ZNF740: variants seen among roughly 807,000 people sequenced by gnomAD.
The protein encoded by ZNF740 is zinc finger protein 740.
ZNF740 carries 14 observed loss-of-function variants against 24.8 expected under a neutral mutation model. The observed-to-expected ratio is 0.56, with a 90% CI of 0.37 to 0.88. The LOEUF (loss-of-function observed/expected upper bound fraction) is 0.88, where lower values mean the gene tolerates loss of function less well. Ranked by LOEUF, ZNF740 falls within the 40% of genes least tolerant of loss-of-function variation. The probability of loss-of-function intolerance (pLI) is 0.00; values close to 1 mark genes in which losing one functional copy is unlikely to be tolerated. For missense variants in ZNF740, 201 were observed against 247.9 expected (o/e 0.81, Z 1.27); for synonymous variants, 69 against 84.0 (o/e 0.82, Z 0.98).
At position 53,185,844 on chromosome 12, in the gene ZNF740, G is replaced by A. The variant is rs1188787898; in HGVS notation, c.250-110G>A. On this transcript the variant is annotated intron_variant, in intron 4 of 6. Transcript: ENST00000416904. ...CAGGAGATGGCAGCACCTTTAGACA[G>A]CATCAGAGAGGTTCCTTTCTCCAAC... 5 of 1,421,442 alleles carry A rather than the reference G, an allele frequency of 3.5e-6. No homozygotes were observed. In the Admixed American group the frequency reaches 1.1e-4, roughly 32 times the overall value. The allele number at this position is 1,421,442 out of a possible 1,614,324, so 88.1% of individuals were successfully genotyped here.
chr12:53,186,022 C>T lies in ZNF740; in HGVS notation c.318C>T (p.Cys106=). ...CCAAAAATTTTGTTTGTGAACACTGCTTTGGAGCCTTTCGGAGCAGTTACC... is the reference window on the plus strand; with the variant it reads ...CCAAAAATTTTGTTTGTGAACACTGTTTTGGAGCCTTTCGGAGCAGTTACC... The part of the protein sequence containing the change: ...KIPKNFVCEH[C]FGAFRSSYHL... The change falls in exon 5 of 7, where the codon TGC becomes TGT. Residue 106 remains cysteine, a synonymous_variant. Transcript: ENST00000416904. The T allele has an allele frequency of 1.2e-6, 2 of 1,613,888 alleles. No homozygotes were observed. Among genetic ancestry groups the T allele is most frequent in the South Asian group, 1.1e-5 (1 of 91,058 alleles).
chr12:53,193,618 G>GT lies in ZNF740; in HGVS notation c.*6029dup. 8.5e-7 allele frequency: 1 copy of GT among 1,177,256 alleles called. No individual in the cohort carries two copies. The highest frequency in any genetic ancestry group is 2.5e-5 in the Admixed American group (1 of 39,378). The allele number at this position is 1,177,256 out of a possible 1,614,324, so 72.9% of individuals were successfully genotyped here. On this transcript the variant is annotated 3_prime_UTR_variant, in exon 7 of 7. Transcript: ENST00000416904. ...GAGTCGGGATGTCGAGGAGACTCCT[G>GT]TGGGGGGGATGGAAAGCAGCGGAGG...
chr12:53,194,161 C>A lies in ZNF740; in HGVS notation c.*6571C>A. 6.2e-7 allele frequency: 1 copy of A among 1,612,664 alleles called. No homozygotes were observed. Among genetic ancestry groups the A allele is most frequent in the South Asian group, 1.1e-5 (1 of 91,012 alleles). ...TGCTTAATTTCCCACTCCCACCTCC[C>A]CCTGCCCGCCTTCTGCCTGTGCTTG... On this transcript the variant is annotated 3_prime_UTR_variant, in exon 7 of 7. Transcript: ENST00000416904.
intron 1 of ZNF740, 95 bp from the exon 2 acceptor site, chr12:53,181,582 C>G: frequency 1.1e-6 from 1 of 886,436 alleles, no homozygotes; most frequent in Non-Finnish European, 1.4e-6. Context: ...CTGAGCTTCA[C>G]AGAGAGCGCC....
At position 53,193,219 on chromosome 12, in the gene ZNF740, G is replaced by T. The variant is rs990665538; in HGVS notation, c.*5629G>T. The T allele has an allele frequency of 2.9e-5, 47 of 1,614,040 alleles. No homozygotes were observed. The highest frequency in any genetic ancestry group is 3.8e-5 in the Non-Finnish European group (45 of 1,180,030). ...GATGCCCAGAGCTCTGTCCACTGCA[G>T]CTGCAGCGTCCACATTGACAGTGAC... On this transcript the variant is annotated 3_prime_UTR_variant, in exon 7 of 7. Coordinates refer to ENST00000416904, the MANE Select transcript of ZNF740 (RefSeq NM_001004304.4).
chr12:53,192,970 G>T lies in ZNF740; in HGVS notation c.*5380G>T. On this transcript the variant is annotated 3_prime_UTR_variant, in exon 7 of 7. Coordinates refer to ENST00000416904, the MANE Select transcript of ZNF740 (RefSeq NM_001004304.4). The stretch of plus-strand genomic sequence containing the variant: ...CTCCACACACACAGTTGGCCATCAT[G>T]TGGCACGACAAGCCCACGCATCCAA... 1 of 1,537,592 alleles carries T rather than the reference G, an allele frequency of 6.5e-7. No homozygotes were observed. Among genetic ancestry groups the T allele is most frequent in the South Asian group, 1.1e-5 (1 of 88,626 alleles).
At chr12:53,183,641 T>G (rs1941752168) in intron 2 of ZNF740, among the ~76,000 whole-genome samples, 2 of 152,058 alleles carry the variant, frequency 1.3e-5, no homozygotes, top group South Asian at 4.2e-4. Context: ...TGAAAAAAAA[T>G]GTGATCATAC....
Position 53,193,024 on chromosome 12 carries a change from C to A in ZNF740, c.*5434C>A. Reference sequence around the variant, plus strand: ...TTTTGAAGTATGCCAACCACACCCTCTAACCCATACACCGGAATCTTTTGA... The same window carrying A: ...TTTTGAAGTATGCCAACCACACCCTATAACCCATACACCGGAATCTTTTGA... On this transcript the variant is annotated 3_prime_UTR_variant, in exon 7 of 7. Coordinates refer to ENST00000416904, the MANE Select transcript of ZNF740 (RefSeq NM_001004304.4). 2.2e-6 allele frequency: 3 copies of A among 1,357,762 alleles called. No homozygotes were observed. Among genetic ancestry groups the A allele is most frequent in the Non-Finnish European group, 3.1e-6 (3 of 972,494 alleles). 84.1% of individuals were successfully genotyped at this position (1,357,762 alleles called of 1,614,324 possible).
chr12:53,183,648 A>C (rs1029283394), intron 2 of ZNF740, among the ~76,000 whole-genome samples: 1 of 152,234 alleles, frequency 6.6e-6, no homozygotes, highest in African/African-American at 2.4e-5. Context: ...AAATGTGATC[A>C]TACAAGCACA....
chr12:53,192,588 G>A lies in ZNF740; in HGVS notation c.*4998G>A, dbSNP rs1367781156. 1.3e-6 allele frequency: 2 copies of A among 1,599,050 alleles called. No individual in the cohort carries two copies. Among genetic ancestry groups the A allele is most frequent in the South Asian group, 2.2e-5 (2 of 90,734 alleles). On this transcript the variant is annotated 3_prime_UTR_variant, in exon 7 of 7. Transcript: ENST00000416904. ...ACCAGCTGGGCAGTTGTCACCCAATGCCCCTTGCCCAACTACAAGCAGGAC... is the reference window on the plus strand; with the variant it reads ...ACCAGCTGGGCAGTTGTCACCCAATACCCCTTGCCCAACTACAAGCAGGAC...
At position 53,194,292 on chromosome 12, in the gene ZNF740, T is replaced by C; in HGVS notation, c.*6702T>C. On this transcript the variant is annotated 3_prime_UTR_variant, in exon 7 of 7. Coordinates refer to ENST00000416904, the MANE Select transcript of ZNF740 (RefSeq NM_001004304.4). ...CTCACACTGGGATTCGTAAGAAATG[T>C]GGACCCCAGGAGGGAGTGAAGAGTG... 1 of 1,613,966 alleles carries C rather than the reference T, an allele frequency of 6.2e-7. No individual in the cohort carries two copies. The highest frequency in any genetic ancestry group is 1.1e-5 in the South Asian group (1 of 91,062).
chr12:53,186,872 C>T (rs1941832740), intron 6 of ZNF740: 2 of 195,316 alleles, frequency 1.0e-5, no homozygotes, highest in East Asian at 1.2e-4. Flanking sequence ...CCAGGGACAC[C>T]GCAGATCACG....
Position 53,187,648 on chromosome 12 carries a change from C to T in ZNF740, c.*58C>T, listed in dbSNP as rs1027296050. On this transcript the variant is annotated 3_prime_UTR_variant, in exon 7 of 7. Coordinates refer to ENST00000416904, the MANE Select transcript of ZNF740 (RefSeq NM_001004304.4). Reference sequence around the variant, plus strand: ...GAAGAACCTGCCGAAGAGCACACCCCCTCTGGTCTGATGGTCCCACCACCG... The same window carrying T: ...GAAGAACCTGCCGAAGAGCACACCCTCTCTGGTCTGATGGTCCCACCACCG... 2.7e-5 allele frequency: 38 copies of T among 1,408,530 alleles called. No homozygotes were observed. The Middle Eastern group carries it at 7.3e-4, about 27-fold the overall frequency. The allele number at this position is 1,408,530 out of a possible 1,614,324, so 87.3% of individuals were successfully genotyped here.
chr12:53,182,076 T>C (rs377632596), intron 2 of ZNF740, 84 bp downstream of exon 2: 106 of 1,545,718 alleles, frequency 6.9e-5, no homozygotes, highest in Non-Finnish European at 9.3e-5. Flanking sequence ...AGTCAACATA[T>C]TGACCAACCC....
chr12:53,191,516 C>T lies in ZNF740; in HGVS notation c.*3926C>T, dbSNP rs1454880546. ...CTCTCACCCTCCAGTTCCCACTGTC[C>T]TCCAAGGAGAAGAGCCTTGGGTAAG... On this transcript the variant is annotated 3_prime_UTR_variant, in exon 7 of 7. Coordinates refer to ENST00000416904, the MANE Select transcript of ZNF740 (RefSeq NM_001004304.4). 4.7e-6 allele frequency: 7 copies of T among 1,487,688 alleles called. No homozygotes were observed. In the South Asian group the frequency reaches 5.6e-5, roughly 12 times the overall value. The allele number at this position is 1,487,688 out of a possible 1,614,324, so 92.2% of individuals were successfully genotyped here. A position where few individuals can be genotyped will look rare whatever the true frequency, so the allele number is the denominator to read the frequency against.
rs1349251318 is a variant in ZNF740 at position 53,191,445 on chromosome 12, C to A, written c.*3855C>A. 9.3e-6 allele frequency: 8 copies of A among 860,544 alleles called. No homozygotes were observed. The highest frequency in any genetic ancestry group is 1.6e-5 in the Non-Finnish European group (8 of 504,114). The allele number at this position is 860,544 out of a possible 1,614,324, so 53.3% of individuals were successfully genotyped here. On this transcript the variant is annotated 3_prime_UTR_variant, in exon 7 of 7. Transcript: ENST00000416904. ...ATGAAGTAGGGTGGTGGCCGCACCT[C>A]GCCAGTGAATTAGTCCCCTACCAAG... is the stretch of plus-strand genomic sequence containing the variant.
chr12:53,193,293 A>G lies in ZNF740; in HGVS notation c.*5703A>G. The stretch of plus-strand genomic sequence containing the variant: ...GTGCCATTGGGAGCCCGGCACCCAG[A>G]TTCCAGGTCTGGGGAGGACAGCTCT... On this transcript the variant is annotated 3_prime_UTR_variant, in exon 7 of 7. Transcript: ENST00000416904. 1 of 1,612,928 alleles carries G rather than the reference A, an allele frequency of 6.2e-7. No homozygotes were observed. Among genetic ancestry groups the G allele is most frequent in the Non-Finnish European group, 8.5e-7 (1 of 1,179,080 alleles).
rs1345559686 is a variant in ZNF740, at chr12:53,191,127, G to A, written c.*3537G>A. ...GGACCCCCCTGCATCCGCAGCACTT[G>A]AGAATTCATAGGCCCTTTCCAGACC... On this transcript the variant is annotated 3_prime_UTR_variant, in exon 7 of 7. Transcript: ENST00000416904. 4.1e-5 allele frequency: 9 copies of A among 221,866 alleles called. No individual in the cohort carries two copies. The highest frequency in any genetic ancestry group is 9.1e-6 in the Non-Finnish European group (1 of 109,622). 13.7% of individuals were successfully genotyped at this position (221,866 alleles called of 1,614,324 possible).
In ZNF740 at chr12:53,180,754, G is replaced by A; in HGVS notation, c.-391G>A. On this transcript the variant is annotated 5_prime_UTR_variant, in exon 1 of 7. Transcript: ENST00000416904. ...TGCCTCGGTCCCGGTGGGGGCAGCC[G>A]CGGCGGTGGGGTTGGCAGGGTGTGC... The A allele has an allele frequency of 1.6e-6, 2 of 1,267,192 alleles. No homozygotes were observed. The highest frequency in any genetic ancestry group is 2.0e-6 in the Non-Finnish European group (2 of 978,702). 78.5% of individuals were successfully genotyped at this position (1,267,192 alleles called of 1,614,324 possible).
Sources: gnomAD v4.1 joint callset for allele counts (sites outside exome capture counted in the v4.1 genomes callset) on GRCh38, gnomAD v4.1.1 for gene constraint, MANE v1.5 for transcripts, NCBI Gene and HGNC (gene_info 2026-07-23, HGNC 2026-07-21) for gene names.